The following KIAA0319 variants were observed in gnomAD, a reference collection of about 807,000 sequenced individuals.
The protein encoded by KIAA0319 is dyslexia-associated protein KIAA0319.
KIAA0319 carries 83 observed loss-of-function variants against 108.4 expected under a neutral mutation model. The ratio of observed to expected loss-of-function variants is 0.77; its 90% CI spans 0.64 to 0.92. The LOEUF is 0.92. Among genes scored for constraint, KIAA0319 ranks in the 40% least tolerant of loss-of-function variants. The probability of loss-of-function intolerance (pLI) is 0.00; values close to 1 mark genes in which losing one functional copy is unlikely to be tolerated. For synonymous variants in KIAA0319, 484 were observed against 510.4 expected (o/e 0.95, Z 0.70); for missense variants, 1,195 against 1,322.4 (o/e 0.90, Z 1.49).
intron 8 of KIAA0319, 88 bp from the exon 9 acceptor site, chr6:24,578,330 AT>A (rs1765855780): frequency 5.1e-6 from 5 of 972,716 alleles, no homozygotes; most frequent in East Asian, 2.7e-5. Context: ...ATTTAAATTC[AT>A]TTTTATAAGA....
At chr6:24,598,017 C>T (rs1278071558) in intron 2 of KIAA0319, 1 of 245,338 alleles carries the variant, frequency 4.1e-6, no homozygotes, top group African/African-American at 2.3e-5. Flanking sequence ...CCACCATATC[C>T]ATCAAGGTGA....
At chr6:24,579,360 G>A (rs1766009998) in intron 8 of KIAA0319, among the ~76,000 whole-genome samples, 2 of 148,632 alleles carry the variant, frequency 1.3e-5, no homozygotes, top group South Asian at 4.2e-4. Flanking sequence ...TTCCCATCTG[G>A]TGGGGGGCAC....
intron 1 of KIAA0319, among the ~76,000 whole-genome samples, chr6:24,623,705 C>T (rs536660714): frequency 1.3e-5 from 2 of 152,172 alleles, no homozygotes; most frequent in South Asian, 2.1e-4. Context: ...TAAGTTCCAG[C>T]GTTTGATAGC....
At position 24,554,594 on chromosome 6, in the gene KIAA0319, A is replaced by G; in HGVS notation, c.2895T>C (p.Thr965=). ...TGAAACCTCCTGTTAGCACAATAAG[A>G]GTAAAAGCCAACACTGTCACATAGA... ...SIFYVTVLAF[T]LIVLTGGFTW... Residue 965 remains threonine, a synonymous_variant, in exon 19 of 21, where the codon ACT becomes ACC. Coordinates refer to ENST00000378214, the MANE Select transcript of KIAA0319 (RefSeq NM_014809.4). 6.2e-7 allele frequency: 1 copy of G among 1,614,050 alleles called. No individual in the cohort carries two copies. Among genetic ancestry groups the G allele is most frequent in the South Asian group, 1.1e-5 (1 of 91,084 alleles).
At chr6:24,560,518 C>T (rs1369339628) in intron 16 of KIAA0319, among the ~76,000 whole-genome samples, 2 of 152,212 alleles carry the variant, frequency 1.3e-5, no homozygotes, top group East Asian at 1.9e-4. Flanking sequence ...ATAGCTACTC[C>T]AATCTGTATT....
intron 15 of KIAA0319, 107 bp downstream of exon 15, chr6:24,564,095 A>C: frequency 7.1e-7 from 1 of 1,403,158 alleles, no homozygotes. Context: ...CAAGAGCTGG[A>C]GCCAGCCACA....
intron 1 of KIAA0319, among the ~76,000 whole-genome samples, chr6:24,618,911 A>G (rs1231493466): frequency 1.3e-5 from 2 of 152,240 alleles, no homozygotes; most frequent in African/African-American, 4.8e-5. Flanking sequence ...ATAGCAGATT[A>G]GACACTGCTG....
intron 15 of KIAA0319, 83 bp from the exon 16 acceptor site, chr6:24,563,601 T>A: frequency 7.9e-7 from 1 of 1,257,996 alleles, no homozygotes; most frequent in South Asian, 1.7e-5. Flanking sequence ...CTATAGGAGC[T>A]CAAAGTTACT....
In KIAA0319 at chr6:24,566,699, C is replaced by G. The variant is rs1763950380; in HGVS notation, c.2190G>C (p.Val730=). The change falls in exon 14 of 21, where the codon GTG becomes GTC. Residue 730 remains valine (V), a synonymous_variant. Coordinates refer to ENST00000378214, the MANE Select transcript of KIAA0319 (RefSeq NM_014809.4). ...CCAAAGTAATGGAATTATTGGGAAG[C>G]ACAAGAACATGTCTGCCACCAGCCC... ...RARAGGRHVL[V]LPNNSITLDG... is the part of the protein sequence containing the mutation. 2 of 1,613,412 alleles carry G rather than the reference C, an allele frequency of 1.2e-6. No homozygotes were observed. Among genetic ancestry groups the G allele is most frequent in the Non-Finnish European group, 1.7e-6 (2 of 1,179,672 alleles).
At chr6:24,627,943 C>A (rs1199873211) in intron 1 of KIAA0319, among the ~76,000 whole-genome samples, 2 of 152,168 alleles carry the variant, frequency 1.3e-5, no homozygotes, top group African/African-American at 4.8e-5. Context: ...GAAGACATGT[C>A]CTGAATGTAG....
chr6:24,624,924 G>A (rs997332852), intron 1 of KIAA0319, among the ~76,000 whole-genome samples: 2 of 152,180 alleles, frequency 1.3e-5, no homozygotes, highest in African/African-American at 4.8e-5. Context: ...TGTACAATAT[G>A]GTTAGGCTCT....
At position 24,556,591 on chromosome 6, in the gene KIAA0319, C is replaced by G. The variant is rs1171197235; in HGVS notation, c.2857+16G>C. ...TAAGGCTCCTCACCCAAAGCCTCCT[C>G]TATACCAGAACTCACCACAGTTGCT... On this transcript the variant is annotated intron_variant, in intron 18 of 20. Coordinates refer to ENST00000378214, the MANE Select transcript of KIAA0319 (RefSeq NM_014809.4). The G allele has an allele frequency of 3.7e-6, 6 of 1,611,906 alleles. No homozygotes were observed. The Admixed American group carries it at 6.7e-5, about 18-fold the overall frequency.
intron 1 of KIAA0319, among the ~76,000 whole-genome samples, chr6:24,619,740 A>C (rs1455801849): frequency 6.6e-6 from 1 of 152,206 alleles, no homozygotes; most frequent in African/African-American, 2.4e-5. Flanking sequence ...TATTCCATGA[A>C]TATGTCTCAC....
chr6:24,595,560 A>C lies in KIAA0319; in HGVS notation c.801+313T>G, dbSNP rs1215708555. ...AGATTCAATCTCAAAAAAAAAAAAA[A>C]AAAAAAAAAACGCTACAGGCATTTC... On this transcript the variant is annotated intron_variant, in intron 3 of 20. Coordinates refer to ENST00000378214, the MANE Select transcript of KIAA0319 (RefSeq NM_014809.4). 3.3e-5 allele frequency among the ~76,000 whole-genome samples: 5 copies of C among 149,600 alleles called. 1 individual carries two copies. The highest frequency in any genetic ancestry group is 7.4e-5 in the Non-Finnish European group (5 of 67,254).
intron 6 of KIAA0319, among the ~76,000 whole-genome samples, 195 bp from the exon 7 acceptor site, chr6:24,581,208 C>G (rs1346646489): frequency 1.3e-5 from 2 of 152,198 alleles, no homozygotes; most frequent in East Asian, 3.9e-4. Flanking sequence ...TAAAGATCAC[C>G]TAGACAGGCC....
chr6:24,625,842 T>G (rs1169554716), intron 1 of KIAA0319, among the ~76,000 whole-genome samples: 1 of 152,174 alleles, frequency 6.6e-6, no homozygotes, highest in Non-Finnish European at 1.5e-5. Flanking sequence ...GAGTAAGTAC[T>G]TAGGAATAAA....
intron 16 of KIAA0319, among the ~76,000 whole-genome samples, chr6:24,561,985 C>G (rs1581933313): frequency 6.6e-6 from 1 of 152,108 alleles, no homozygotes; most frequent in Non-Finnish European, 1.5e-5. Flanking sequence ...TTACAGGCGT[C>G]AGCCACCGCA....
intron 19 of KIAA0319, 59 bp downstream of exon 19, chr6:24,554,482 G>T: frequency 8.4e-7 from 1 of 1,197,264 alleles, no homozygotes; most frequent in Non-Finnish European, 1.2e-6. Context: ...CAATTCCTAA[G>T]CTGTCAAAAC....
intron 1 of KIAA0319, among the ~76,000 whole-genome samples, chr6:24,631,848 C>T (rs1270074565): frequency 2.0e-5 from 3 of 152,248 alleles, no homozygotes; most frequent in South Asian, 2.1e-4. Context: ...CCCCCGCCAA[C>T]GACTATGCAG....
Sources: gnomAD v4.1 joint callset for allele counts (sites outside exome capture counted in the v4.1 genomes callset) on GRCh38, gnomAD v4.1.1 for gene constraint, MANE v1.5 for transcripts, NCBI Gene and HGNC (gene_info 2026-07-23, HGNC 2026-07-21) for gene names.